The following GPBP1 variants were observed in gnomAD, a reference collection of about 807,000 sequenced individuals.
GPBP1 encodes GC-rich promoter binding protein 1, also known as vasculin.
Under a neutral mutation model 56.5 loss-of-function variants are expected in GPBP1, and 13 were observed. The ratio of observed to expected loss-of-function variants is 0.23; its 90% CI spans 0.15 to 0.37. The LOEUF (loss-of-function observed/expected upper bound fraction) is 0.37, where lower values mean the gene tolerates loss of function less well. GPBP1 is among the 10% of genes least tolerant of loss of function. The pLI is 1.00. For missense variants in GPBP1, 477 were observed against 572.3 expected, an observed-to-expected ratio of 0.83 and a Z score of 1.70; for synonymous variants, 204 against 188.9, an observed-to-expected ratio of 1.08 and a Z score of -0.66.
At chr5:57,201,286 G>A (rs766622797) in intron 2 of GPBP1, among the ~76,000 whole-genome samples, 8 of 152,136 alleles carry the variant, frequency 5.3e-5, no homozygotes, top group Non-Finnish European at 1.0e-4. Flanking sequence ...GCTACCATGT[G>A]CAGCTAATTT....
intron 6 of GPBP1, among the ~76,000 whole-genome samples, chr5:57,242,221 T>G (rs1740868517): frequency 6.6e-6 from 1 of 152,224 alleles, no homozygotes; most frequent in Non-Finnish European, 1.5e-5. Flanking sequence ...TTAAGCAACC[T>G]GAAATTCTTG....
At chr5:57,247,686 A>G (rs1741157513) in intron 8 of GPBP1, among the ~76,000 whole-genome samples, 1 of 152,048 alleles carries the variant, frequency 6.6e-6, no homozygotes, top group African/African-American at 2.4e-5. Context: ...CCCTGTCTCA[A>G]AAGTGGTGGC....
intron 2 of GPBP1, among the ~76,000 whole-genome samples, chr5:57,212,287 TAAATACTA>T (rs1464864481): frequency 6.6e-6 from 1 of 152,200 alleles, no homozygotes; most frequent in African/African-American, 2.4e-5. Flanking sequence ...TACTAAATAC[TAAATACTA>T]AAATACTAAA....
intron 2 of GPBP1, among the ~76,000 whole-genome samples, chr5:57,200,233 A>C (rs749377478): frequency 6.7e-6 from 1 of 149,638 alleles, no homozygotes; most frequent in Non-Finnish European, 1.5e-5. Context: ...GGATGCAGGC[A>C]GGGAGAAACG....
chr5:57,250,403 C>T (rs367942658), intron 9 of GPBP1, among the ~76,000 whole-genome samples: 3 of 152,226 alleles, frequency 2.0e-5, no homozygotes, highest in East Asian at 3.9e-4. Flanking sequence ...TTTTGCTTGT[C>T]CCATCTTGCC....
chr5:57,249,536 A>G lies in GPBP1; in HGVS notation c.932A>G (p.Glu311Gly), dbSNP rs900908747. ...AAAGCATTGAAAAGAGACAGAGTAG[A>G]AGAGGAACATGAAGATGAAAGCCGT... The part of the protein sequence containing the change: ...FLKALKRDRV[E>G]EEHEDESRAG... Residue 311 changes from glutamate to glycine, a missense_variant, in exon 9 of 12, where the codon GAA becomes GGA. This residue lies in a region of GPBP1 where 414 missense variants were observed against 458.2 expected (regional missense o/e 0.90). Coordinates refer to ENST00000506184, the MANE Select transcript of GPBP1 (RefSeq NM_022913.4). The G allele has an allele frequency of 3.1e-6, 5 of 1,612,104 alleles. No individual in the cohort carries two copies. In the African/African-American group the frequency reaches 5.3e-5, roughly 17 times the overall value.
Position 57,247,101 on chromosome 5 carries a change from A to G in GPBP1, c.690A>G (p.Lys230=), listed in dbSNP as rs1741125924. The G allele has an allele frequency of 6.2e-7, 1 of 1,613,252 alleles. No homozygotes were observed. Reference sequence around the variant, plus strand: ...CTACACAATGGAAAAGCCAAACAAAAGAAAATAAAGTTGGAACTTCTTTCC... The same window carrying G: ...CTACACAATGGAAAAGCCAAACAAAGGAAAATAAAGTTGGAACTTCTTTCC... ...TKPTQWKSQT[K]ENKVGTSFPH... Residue 230 remains lysine (K), a synonymous_variant, in exon 8 of 12, where the codon AAA becomes AAG. Transcript: ENST00000506184.
At chr5:57,202,491 G>A (rs368510624) in intron 2 of GPBP1, among the ~76,000 whole-genome samples, 24 of 152,262 alleles carry the variant, frequency 1.6e-4, no homozygotes, top group African/African-American at 5.5e-4. Flanking sequence ...GTTTCACCAT[G>A]TTGGCCAGGC....
chr5:57,218,556 G>A (rs1003566249), intron 3 of GPBP1, among the ~76,000 whole-genome samples: 6 of 152,156 alleles, frequency 3.9e-5, no homozygotes, highest in Admixed American at 2.6e-4. Context: ...GTCTATGGGT[G>A]GTGGGGCTGA....
intron 3 of GPBP1, among the ~76,000 whole-genome samples, chr5:57,218,119 C>T (rs1203146659): frequency 6.6e-6 from 1 of 152,058 alleles, no homozygotes; most frequent in East Asian, 1.9e-4. Flanking sequence ...ACACAGAACA[C>T]TTCTATAACC....
chr5:57,255,126 G>A (rs377644086), intron 10 of GPBP1, among the ~76,000 whole-genome samples: 29 of 152,188 alleles, frequency 1.9e-4, no homozygotes, highest in African/African-American at 5.8e-4. Flanking sequence ...CTATTCTATA[G>A]TATGGATATA....
At chr5:57,247,615 G>A (rs1214268979) in intron 8 of GPBP1, among the ~76,000 whole-genome samples, 1 of 152,106 alleles carries the variant, frequency 6.6e-6, no homozygotes, top group East Asian at 1.9e-4. Flanking sequence ...GCCTGGGAAT[G>A]TCAAGGCTGC....
chr5:57,192,640 C>A (rs1754574327), intron 2 of GPBP1, among the ~76,000 whole-genome samples: 1 of 151,358 alleles, frequency 6.6e-6, no homozygotes, highest in Non-Finnish European at 1.5e-5. Context: ...GTAATCCCAG[C>A]TACTCAGGAG....
At chr5:57,185,615 A>G (rs1754251191) in intron 2 of GPBP1, among the ~76,000 whole-genome samples, 1 of 151,994 alleles carries the variant, frequency 6.6e-6, no homozygotes, top group Non-Finnish European at 1.5e-5. Context: ...TGGAATTAGC[A>G]TTATGTCTTT....
chr5:57,189,509 T>C (rs1754428507), intron 2 of GPBP1, among the ~76,000 whole-genome samples: 3 of 152,040 alleles, frequency 2.0e-5, no homozygotes, highest in Non-Finnish European at 4.4e-5. Context: ...CCACCCACCT[T>C]GGCCTCCCAA....
In GPBP1 at chr5:57,264,389, A is replaced by G. The variant is rs1442562223; in HGVS notation, c.*1637A>G. The G allele has an allele frequency of 1.3e-5, 2 of 152,200 alleles. No individual in the cohort carries two copies. The highest frequency in any genetic ancestry group is 2.9e-5 in the Non-Finnish European group (2 of 68,016). The allele number at this position is 152,200 out of a possible 1,614,324, so 9.4% of individuals were successfully genotyped here. ...AATGTCTTTGAGACTCTTAGATTGT[A>G]CTATTTGCTTAATAGATTAATGAAA... On this transcript the variant is annotated 3_prime_UTR_variant, in exon 12 of 12. Transcript: ENST00000506184.
chr5:57,232,452 T>C (rs564211845), intron 5 of GPBP1, among the ~76,000 whole-genome samples: 1 of 152,338 alleles, frequency 6.6e-6, no homozygotes, highest in African/African-American at 2.4e-5. Context: ...AGCCTAAATA[T>C]TTGCCTTGGC....
At chr5:57,199,686 C>A (rs1446843793) in intron 2 of GPBP1, among the ~76,000 whole-genome samples, 1 of 152,002 alleles carries the variant, frequency 6.6e-6, no homozygotes, top group African/African-American at 2.4e-5. Context: ...TAATGCTGTC[C>A]CTCCCCCTGA....
At chr5:57,224,792 C>T (rs1319922932) in intron 3 of GPBP1, among the ~76,000 whole-genome samples, 1 of 151,930 alleles carries the variant, frequency 6.6e-6, no homozygotes, top group Non-Finnish European at 1.5e-5. Context: ...AATTAAAGTC[C>T]AGGCCATACC....
Sources: gnomAD v4.1 joint callset for allele counts (sites outside exome capture counted in the v4.1 genomes callset) on GRCh38, gnomAD v4.1.1 for gene constraint, gnomAD v4.1.1 regional missense constraint, MANE v1.5 for transcripts, NCBI Gene and HGNC (gene_info 2026-07-23, HGNC 2026-07-21) for gene names.